Variants in MYSM1 observed in about 807,000 individuals in gnomAD.
The protein encoded by MYSM1 is deubiquitinase MYSM1.
In MYSM1, 51 loss-of-function variants were observed where a neutral mutation model predicts 116.0. The observed-to-expected ratio is 0.44, with a 90% CI of 0.35 to 0.56. The LOEUF (loss-of-function observed/expected upper bound fraction) is 0.56. Ranked by LOEUF, MYSM1 falls within the 20% of genes least tolerant of loss-of-function variation. MYSM1 has a pLI of 0.00. For missense variants in MYSM1, 900 were observed against 974.9 expected, an observed-to-expected ratio of 0.92 and a Z score of 1.02; for synonymous variants, 313 against 315.2, an observed-to-expected ratio of 0.99 and a Z score of 0.07.
intron 3 of MYSM1, among the ~76,000 whole-genome samples, chr1:58,691,969 A>G (rs573838555): frequency 5.2e-4 from 79 of 152,220 alleles, no homozygotes; most frequent in Non-Finnish European, 1.0e-3. Context: ...TAAAATGAGA[A>G]TATTTTAAAT....
At chr1:58,676,678 A>T (rs536616666) in intron 9 of MYSM1, 27 of 257,826 alleles carry the variant, frequency 1.0e-4, no homozygotes, top group African/African-American at 6.2e-4. Flanking sequence ...TGTATTCTTA[A>T]ATTATTTCTA....
chr1:58,692,785 G>T, intron 3 of MYSM1, 76 bp downstream of exon 3: 1 of 1,017,688 alleles, frequency 9.8e-7, no homozygotes, highest in Non-Finnish European at 1.5e-6. Context: ...GTAAACAGTG[G>T]CCTCTTGTAA....
intron 6 of MYSM1, among the ~76,000 whole-genome samples, chr1:58,685,839 C>T (rs778873274): frequency 2.0e-4 from 30 of 152,134 alleles, no homozygotes; most frequent in Non-Finnish European, 3.2e-4. Flanking sequence ...TTCTAACTAC[C>T]CGTTTCATTA....
At chr1:58,682,625 T>C (rs1453087179) in intron 7 of MYSM1, 80 bp from the exon 8 acceptor site, 3 of 1,277,092 alleles carry the variant, frequency 2.3e-6, no homozygotes, top group Admixed American at 2.8e-5. Flanking sequence ...AAAGGATAAA[T>C]ATACAGTGTT....
At chr1:58,662,522 T>C (rs1644409575) in intron 17 of MYSM1, among the ~76,000 whole-genome samples, 1 of 149,088 alleles carries the variant, frequency 6.7e-6, no homozygotes, top group African/African-American at 2.5e-5. Context: ...CATGATCAGA[T>C]ATAAAAGGCA....
chr1:58,688,964 A>C (rs1644866256), intron 6 of MYSM1, 74 bp downstream of exon 6: 1 of 1,325,818 alleles, frequency 7.5e-7, no homozygotes, highest in African/African-American at 1.5e-5. Context: ...TCTATAAATT[A>C]ATTTAACCTT....
At chr1:58,676,827 T>C in intron 9 of MYSM1, 99 bp downstream of exon 9, 2 of 1,247,018 alleles carry the variant, frequency 1.6e-6, no homozygotes, top group Non-Finnish European at 1.1e-6. Flanking sequence ...GAATTCTATA[T>C]ACCTATAACT....
intron 11 of MYSM1, among the ~76,000 whole-genome samples, chr1:58,672,529 T>C (rs761988835): frequency 2.4e-4 from 37 of 152,166 alleles, no homozygotes; most frequent in Non-Finnish European, 5.1e-4. Flanking sequence ...ATACTGACAT[T>C]GTCTGACACA....
At chr1:58,679,727 G>A (rs1235871359) in intron 8 of MYSM1, among the ~76,000 whole-genome samples, 2 of 152,108 alleles carry the variant, frequency 1.3e-5, no homozygotes, top group African/African-American at 4.8e-5. Flanking sequence ...CAAAAGCACG[G>A]GGATGAAAAT....
At position 58,700,009 on chromosome 1, in the gene MYSM1, A is replaced by C. The variant is rs751146839; in HGVS notation, c.44T>G (p.Val15Gly). ...CCCTGGCTGTGCCCCCGCCGCCGCT[A>C]CCACGTCCCCTTCGATATCCACATC... ...EADVDIEGDV[V>G]AAAGAQPGSG... is the part of the protein sequence containing the mutation. The change falls in exon 1 of 20, where the codon GTA (valine) becomes GGA (glycine). Residue 15 changes from valine (V) to glycine (G), a missense_variant. By Grantham distance (109) the Val-to-Gly change is moderately radical. Coordinates refer to ENST00000472487, the MANE Select transcript of MYSM1 (RefSeq NM_001085487.3). 12 of 1,613,534 alleles carry C rather than the reference A, an allele frequency of 7.4e-6. No homozygotes were observed. The South Asian group carries it at 1.2e-4, about 16-fold the overall frequency.
At position 58,667,936 on chromosome 1, in the gene MYSM1, A is replaced by G. The variant is rs1434125412; in HGVS notation, c.1768-15T>C. ...ACATGAGCATGCTAAAAGAAATACA[A>G]GACAGACTTAGCCCAAACGCACAAA... is the stretch of plus-strand genomic sequence containing the variant. On this transcript the variant is annotated splice_polypyrimidine_tract_variant and intron_variant, in intron 14 of 19. Coordinates refer to ENST00000472487, the MANE Select transcript of MYSM1 (RefSeq NM_001085487.3). 1.9e-6 allele frequency: 3 copies of G among 1,596,506 alleles called. No individual in the cohort carries two copies. The African/African-American group carries it at 4.0e-5, about 21-fold the overall frequency.
At chr1:58,685,428 C>G (rs920069363) in intron 6 of MYSM1, among the ~76,000 whole-genome samples, 177 bp from the exon 7 acceptor site, 1 of 151,890 alleles carries the variant, frequency 6.6e-6, no homozygotes, top group African/African-American at 2.4e-5. Context: ...TACATTCATT[C>G]TTTTGGAATC....
At chr1:58,673,440 G>A in intron 11 of MYSM1, 133 bp downstream of exon 11, 2 of 750,340 alleles carry the variant, frequency 2.7e-6, no homozygotes, top group Non-Finnish European at 4.3e-6. Context: ...GTGACTTCCA[G>A]ACAAATTAAC....
intron 8 of MYSM1, among the ~76,000 whole-genome samples, chr1:58,679,456 C>A (rs1375904248): frequency 2.6e-5 from 4 of 151,954 alleles, no homozygotes; most frequent in African/African-American, 9.7e-5. Flanking sequence ...ATATAGTGAT[C>A]ATTCATATGG....
intron 1 of MYSM1, among the ~76,000 whole-genome samples, chr1:58,699,405 C>A (rs1177973497): frequency 6.6e-6 from 1 of 152,194 alleles, no homozygotes; most frequent in Non-Finnish European, 1.5e-5. Context: ...GTCTGAGGCT[C>A]AGACAAGTTA....
Position 58,667,892 on chromosome 1 carries a change from A to G in MYSM1, c.1797T>C (p.Ile599=), listed in dbSNP as rs1025047503. The part of the protein sequence containing the change: ...LHAHVSMAEV[I]GLLGGRYSEV... ...CTGAGTATCTTCCTCCTAACAGACC[A>G]ATCACTTCTGCCATAGAAACATGAG... The change falls in exon 15 of 20, where the codon ATT becomes ATC. Residue 599 remains isoleucine (I), a synonymous_variant. Transcript: ENST00000472487. 6.5e-5 allele frequency: 105 copies of G among 1,612,784 alleles called. No homozygotes were observed. Among genetic ancestry groups the G allele is most frequent in the Non-Finnish European group, 8.8e-5 (104 of 1,178,956 alleles).
At chr1:58,681,462 G>A (rs61778491) in intron 8 of MYSM1, among the ~76,000 whole-genome samples, 5,617 of 152,164 alleles carry the variant, frequency 0.037, 149 homozygotes, top group Non-Finnish European at 0.058. Flanking sequence ...ATGATAAACC[G>A]GAAAGAATTA....
At position 58,682,050 on chromosome 1, in the gene MYSM1, T is replaced by A. The variant is rs371158428; in HGVS notation, c.994A>T (p.Ile332Leu). 2.2e-5 allele frequency: 36 copies of A among 1,614,034 alleles called. No individual in the cohort carries two copies. The East Asian group carries it at 2.7e-4, about 12-fold the overall frequency. ...GAAGGCAACTGCCTGGCATCAACTA[T>A]TATTCCCCTTCCATCATGCTTGTTG... ...NCNKHDGRGI[I>L]VDARQLPSPE... The change falls in exon 8 of 20, where the codon ATA becomes TTA. Residue 332 changes from isoleucine to leucine, a missense_variant. By Grantham distance (5) the Ile-to-Leu change is conservative. Around this residue, in one of 3 missense-constraint regions of MYSM1, gnomAD observed 622 missense variants for 623.7 expected, o/e 1.00. Transcript: ENST00000472487.
At chr1:58,676,891 T>A (rs1264007198) in intron 9 of MYSM1, 35 bp downstream of exon 9, 1 of 1,601,388 alleles carries the variant, frequency 6.2e-7, no homozygotes, top group Non-Finnish European at 8.5e-7. Context: ...ATAAAAAATG[T>A]CGAGTAAAAG....
Sources: gnomAD v4.1 joint callset for allele counts (sites outside exome capture counted in the v4.1 genomes callset) on GRCh38, gnomAD v4.1.1 for gene constraint, gnomAD v4.1.1 regional missense constraint, MANE v1.5 for transcripts, NCBI Gene and HGNC (gene_info 2026-07-23, HGNC 2026-07-21) for gene names.